Variants in KIF25 observed in about 807,000 individuals in gnomAD.
The protein encoded by KIF25 is kinesin-like protein KIF25.
KIF25 carries 19 observed loss-of-function variants against 32.9 expected under a neutral mutation model. The ratio of observed to expected loss-of-function variants is 0.58; its 90% confidence interval spans 0.40 to 0.85. KIF25 has a LOEUF of 0.85. Ranked by LOEUF, KIF25 falls within the 40% of genes least tolerant of loss-of-function variation. The probability of loss-of-function intolerance (pLI) is 0.00; values close to 1 mark genes in which losing one functional copy is unlikely to be tolerated. For missense variants in KIF25, 485 were observed against 507.0 expected, an observed-to-expected ratio of 0.96 and a Z score of 0.42; for synonymous variants, 225 against 213.7, an observed-to-expected ratio of 1.05 and a Z score of -0.46.
At chr6:168,016,117 G>A (rs1305549350) in intron 4 of KIF25, among the ~76,000 whole-genome samples, 1 of 152,208 alleles carries the variant, frequency 6.6e-6, no homozygotes, top group African/African-American at 2.4e-5. Flanking sequence ...GGAGCAAAGG[G>A]CCTAGGCTGG....
intron 2 of KIF25, among the ~76,000 whole-genome samples, chr6:168,002,080 C>G (rs1798513762): frequency 1.3e-5 from 1 of 77,412 alleles, no homozygotes; most frequent in Non-Finnish European, 2.6e-5. Flanking sequence ...AAGACACCTT[C>G]AGGCGTAGCC....
intron 7 of KIF25, among the ~76,000 whole-genome samples, chr6:168,031,197 T>G (rs1228493666): frequency 1.3e-5 from 2 of 152,216 alleles, no homozygotes; most frequent in Non-Finnish European, 2.9e-5. Flanking sequence ...CTGTAAGGAA[T>G]GTTAATGTCA....
At chr6:168,024,865 AC>A (rs2114891098) in intron 5 of KIF25, among the ~76,000 whole-genome samples, 1 of 152,228 alleles carries the variant, frequency 6.6e-6, no homozygotes, top group East Asian at 1.9e-4. Flanking sequence ...AGCCTGGTCA[AC>A]ATGGTGAAAC....
chr6:168,036,402 G>A (rs1562390874), intron 8 of KIF25, among the ~76,000 whole-genome samples: 1 of 152,186 alleles, frequency 6.6e-6, no homozygotes, highest in African/African-American at 2.4e-5. Flanking sequence ...ACAAAGCCTG[G>A]CCCCGCCCCT....
In KIF25 at chr6:168,026,551, G is replaced by A. The variant is rs569684894; in HGVS notation, c.-94-2941G>A. On this transcript the variant is annotated intron_variant, in intron 5 of 12. Transcript: ENST00000643607. Reference sequence around the variant, plus strand: ...TATAACAGCTTTTTATGGAACTAACGAATGTCAAAATATTTTATTTCCATT... The same window carrying A: ...TATAACAGCTTTTTATGGAACTAACAAATGTCAAAATATTTTATTTCCATT... 3.3e-5 allele frequency among the ~76,000 whole-genome samples: 5 copies of A among 152,148 alleles called. No individual in the cohort carries two copies. In the South Asian group the frequency reaches 8.3e-4, roughly 25 times the overall value.
chr6:168,035,853 G>GTTTGCAGAAACGAGAATC, intron 8 of KIF25: 1 of 441,106 alleles, frequency 2.3e-6, no homozygotes, highest in South Asian at 1.6e-5. Context: ...CACCTTCGTC[G>GTTTGCAGAAACGAGAATC]TTTGCAGAAA....
intron 3 of KIF25, among the ~76,000 whole-genome samples, chr6:168,003,206 T>G (rs766622927): frequency 1.3e-5 from 2 of 151,650 alleles, no homozygotes; most frequent in Non-Finnish European, 2.9e-5. Flanking sequence ...TCCCATGCAA[T>G]GCAGACAGGG....
chr6:168,044,946 C>G lies in KIF25; in HGVS notation c.1105C>G (p.Arg369Gly), dbSNP rs778957588. Reference protein sequence around the residue: ...RARQVQRGPARKKPPSSQTEG... With the variant: ...RARQVQRGPAGKKPPSSQTEG... ...TCGGCAAGTCCAGCGAGGCCCTGCC[C>G]GAAAGAAGCCGCCCAGCTCCCAAAC... Residue 369 changes from arginine to glycine, a missense_variant, in exon 13 of 13, where the codon CGA becomes GGA. Transcript: ENST00000643607. 3.8e-5 allele frequency: 61 copies of G among 1,610,776 alleles called. 1 individual carries two copies. In the South Asian group the frequency reaches 4.8e-4, roughly 13 times the overall value.
chr6:168,028,970 T>C lies in KIF25; in HGVS notation c.-94-522T>C, dbSNP rs141396961. Among the ~76,000 whole-genome samples the C allele has an allele frequency of 4.0e-4, 61 of 152,352 alleles. No homozygotes were observed. The East Asian group carries it at 0.011, about 28-fold the overall frequency. On this transcript the variant is annotated intron_variant, in intron 5 of 12. Coordinates refer to ENST00000643607, the MANE Select transcript of KIF25 (RefSeq NM_030615.4). Reference sequence around the variant, plus strand: ...TTGTTAAATTATTTTACTGATTTAGTAATTTTCTTTGTCTTTTCATTTTGG... The same window carrying C: ...TTGTTAAATTATTTTACTGATTTAGCAATTTTCTTTGTCTTTTCATTTTGG...
intron 3 of KIF25, among the ~76,000 whole-genome samples, 195 bp downstream of exon 3, chr6:168,002,854 A>G (rs975774347): frequency 6.6e-6 from 1 of 152,244 alleles, no homozygotes; most frequent in African/African-American, 2.4e-5. Context: ...TCTAGCAGTG[A>G]TGGAGACAGT....
At chr6:168,024,601 T>A (rs1221512248) in intron 5 of KIF25, among the ~76,000 whole-genome samples, 1 of 152,012 alleles carries the variant, frequency 6.6e-6, no homozygotes, top group Non-Finnish European at 1.5e-5. Context: ...AATATCAACG[T>A]TGGCAGAATA....
intron 9 of KIF25, among the ~76,000 whole-genome samples, chr6:168,039,760 A>T (rs970530504): frequency 1.3e-5 from 2 of 152,232 alleles, no homozygotes; most frequent in Non-Finnish European, 2.9e-5. Flanking sequence ...TATTTTTAAA[A>T]CATGGTTCCT....
intron 5 of KIF25, among the ~76,000 whole-genome samples, chr6:168,023,952 T>C (rs1057359500): frequency 2.0e-5 from 3 of 152,240 alleles, no homozygotes; most frequent in African/African-American, 2.4e-5. Context: ...ACATTTTATT[T>C]GTATATCTAA....
intron 4 of KIF25, among the ~76,000 whole-genome samples, chr6:168,012,552 C>T (rs1042807069): frequency 6.6e-6 from 1 of 152,176 alleles, no homozygotes; most frequent in Non-Finnish European, 1.5e-5. Context: ...GTAGGTCACC[C>T]AACATGGGGT....
chr6:168,027,756 G>A lies in KIF25; in HGVS notation c.-94-1736G>A, dbSNP rs1344484306. On this transcript the variant is annotated intron_variant, in intron 5 of 12. Coordinates refer to ENST00000643607, the MANE Select transcript of KIF25 (RefSeq NM_030615.4). ...TCAGATGCATGGGTTGTTCCGGTCC[G>A]TGGGTGAGAAACGGGTTCTCTGTGT... 3.3e-5 allele frequency among the ~76,000 whole-genome samples: 5 copies of A among 152,196 alleles called. No homozygotes were observed. In the East Asian group the frequency reaches 5.8e-4, roughly 18 times the overall value.
intron 4 of KIF25, among the ~76,000 whole-genome samples, chr6:168,012,633 G>C (rs899146586): frequency 6.6e-6 from 1 of 152,216 alleles, no homozygotes; most frequent in Non-Finnish European, 1.5e-5. Flanking sequence ...TTGCTTAGCT[G>C]ACCTGGGAGT....
chr6:168,021,518 A>G (rs1390450987), intron 5 of KIF25, among the ~76,000 whole-genome samples: 1 of 152,236 alleles, frequency 6.6e-6, no homozygotes, highest in Non-Finnish European at 1.5e-5. Context: ...TAAAATTTAT[A>G]ATTGTAGAAA....
intron 4 of KIF25, among the ~76,000 whole-genome samples, chr6:168,004,769 G>A (rs929132472): frequency 6.6e-6 from 1 of 152,118 alleles, no homozygotes; most frequent in Non-Finnish European, 1.5e-5. Context: ...GAGGGTTCAG[G>A]GTTGCCTCAA....
intron 8 of KIF25, 65 bp from the exon 9 acceptor site, chr6:168,038,488 T>G: frequency 6.4e-7 from 1 of 1,550,526 alleles, no homozygotes; most frequent in Non-Finnish European, 8.8e-7. Context: ...GGGGCTATGA[T>G]TGGCTTACAC....
Sources: allele counts gnomAD v4.1 joint callset (sites outside exome capture counted in the v4.1 genomes callset), GRCh38; gene constraint gnomAD v4.1.1; transcripts MANE v1.5; gene names NCBI Gene and HGNC (gene_info 2026-07-23, HGNC 2026-07-21).